ABTB3: variants seen among roughly 807,000 people sequenced by gnomAD.
ABTB3 encodes ankyrin repeat- and BTB/POZ domain-containing protein 3.
chr12:107,581,421 T>C, the ABTB3 span: 4 of 823,824 alleles, frequency 4.9e-6, no homozygotes, highest in Non-Finnish European at 6.5e-6. Flanking sequence ...TCGGCGGCGC[T>C]GGGGTGGAGG....
chr12:107,553,351 C>T, the ABTB3 span, among the ~76,000 whole-genome samples: 1 of 152,204 alleles, frequency 6.6e-6, no homozygotes, highest in African/African-American at 2.4e-5. Context: ...AGCCTTACCT[C>T]TTCCCATTTT....
the ABTB3 span, chr12:107,618,122 T>C: frequency 1.3e-6 from 2 of 1,597,442 alleles, no homozygotes; most frequent in African/African-American, 1.3e-5. Flanking sequence ...CACTTCCATC[T>C]CTGAGTGTCA....
At chr12:107,609,651 G>C in the ABTB3 span, among the ~76,000 whole-genome samples, 1 of 152,214 alleles carries the variant, frequency 6.6e-6, no homozygotes. Flanking sequence ...GAAGTCCCCA[G>C]CCTAGAGCAG....
the ABTB3 span, among the ~76,000 whole-genome samples, chr12:107,360,945 T>TTC: frequency 7.1e-6 from 1 of 140,414 alleles, no homozygotes; most frequent in Non-Finnish European, 1.5e-5. Flanking sequence ...TTTTTTTTTT[T>TTC]TTTTTTTGTA....
chr12:107,375,310 C>T, the ABTB3 span, among the ~76,000 whole-genome samples: 1 of 151,978 alleles, frequency 6.6e-6, no homozygotes, highest in Non-Finnish European at 1.5e-5. Flanking sequence ...CCTGGCTACC[C>T]AGGAGGTTGA....
chr12:107,463,206 CAA>C, the ABTB3 span, among the ~76,000 whole-genome samples: 1 of 135,668 alleles, frequency 7.4e-6, no homozygotes, highest in Admixed American at 7.3e-5. Flanking sequence ...GATGTAGTGA[CAA>C]TGATGGTGGT....
At chr12:107,518,435 G>A in the ABTB3 span, among the ~76,000 whole-genome samples, 2 of 152,108 alleles carry the variant, frequency 1.3e-5, no homozygotes, top group Non-Finnish European at 2.9e-5. Flanking sequence ...AAAAAATGAT[G>A]AGTTCATGTC....
chr12:107,488,540 A>G, the ABTB3 span, among the ~76,000 whole-genome samples: 57,689 of 151,802 alleles, frequency 0.38, 13,329 homozygotes, highest in African/African-American at 0.66. Flanking sequence ...GTTGTGTTAC[A>G]TTGCATAGAA....
At chr12:107,655,942 T>C in the ABTB3 span, among the ~76,000 whole-genome samples, 1 of 152,084 alleles carries the variant, frequency 6.6e-6, no homozygotes, top group Non-Finnish European at 1.5e-5. Flanking sequence ...TATTCGCTAG[T>C]GTTATTGAGT....
At chr12:107,520,389 G>T in the ABTB3 span, 17 of 1,498,384 alleles carry the variant, frequency 1.1e-5, no homozygotes, top group Admixed American at 9.7e-5. Context: ...CAGCTCTGGC[G>T]TGGTTTGAGG....
chr12:107,384,004 C>T, the ABTB3 span, among the ~76,000 whole-genome samples: 1 of 152,162 alleles, frequency 6.6e-6, no homozygotes, highest in Non-Finnish European at 1.5e-5. Context: ...ATCCATCCAC[C>T]CAGTAATGAG....
the ABTB3 span, among the ~76,000 whole-genome samples, chr12:107,332,503 G>A: frequency 7.9e-5 from 12 of 152,224 alleles, no homozygotes; most frequent in South Asian, 1.0e-3. Context: ...GGTTCTCGGT[G>A]CCTGTTCCTA....
the ABTB3 span, chr12:107,320,172 G>A: frequency 7.5e-7 from 1 of 1,334,422 alleles, no homozygotes; most frequent in Non-Finnish European, 9.7e-7. Context: ...TCCCAGCCAC[G>A]CGCTGCTGTC....
chr12:107,630,012 C>G, the ABTB3 span, among the ~76,000 whole-genome samples: 1 of 152,102 alleles, frequency 6.6e-6, no homozygotes, highest in Non-Finnish European at 1.5e-5. Context: ...TCCCAGGTAA[C>G]CAGGACAGAT....
chr12:107,542,674 T>C, the ABTB3 span, among the ~76,000 whole-genome samples: 1 of 152,332 alleles, frequency 6.6e-6, no homozygotes, highest in South Asian at 2.1e-4. Flanking sequence ...AGCTTACTAC[T>C]AATATCCCAC....
chr12:107,610,627 GC>G, the ABTB3 span, among the ~76,000 whole-genome samples: 2 of 152,158 alleles, frequency 1.3e-5, no homozygotes, highest in Non-Finnish European at 2.9e-5. Context: ...AGGAAATAAT[GC>G]CATCACCGTG....
chr12:107,551,569 G>A, the ABTB3 span, among the ~76,000 whole-genome samples: 2 of 152,114 alleles, frequency 1.3e-5, no homozygotes, highest in Non-Finnish European at 2.9e-5. Context: ...CCCACTGTCT[G>A]TTTTTACAAA....
At chr12:107,573,971 C>T in the ABTB3 span, among the ~76,000 whole-genome samples, 1 of 152,306 alleles carries the variant, frequency 6.6e-6, no homozygotes, top group East Asian at 1.9e-4. Flanking sequence ...ATAAAATTAA[C>T]ATCACAAGGT....
At chr12:107,476,560 C>T in the ABTB3 span, among the ~76,000 whole-genome samples, 1 of 151,914 alleles carries the variant, frequency 6.6e-6, no homozygotes, top group East Asian at 1.9e-4. Flanking sequence ...CAGGTATAGC[C>T]ATAATATCAT....
Sources: allele counts gnomAD v4.1 joint callset (sites outside exome capture counted in the v4.1 genomes callset), GRCh38; gene constraint gnomAD v4.1.1; transcripts MANE v1.5; gene names NCBI Gene and HGNC (gene_info 2026-07-23, HGNC 2026-07-21).